The following SLC23A2 variants were observed in gnomAD, a reference collection of about 807,000 sequenced individuals.
SLC23A2 encodes the protein Na(+)/L-ascorbic acid transporter 2.
SLC23A2 carries 36 observed loss-of-function variants against 73.3 expected under a neutral mutation model. The ratio of observed to expected loss-of-function variants is 0.49; its 90% CI spans 0.38 to 0.65. SLC23A2 has a LOEUF of 0.65. Ranked by LOEUF, SLC23A2 falls within the 30% of genes least tolerant of loss-of-function variation. SLC23A2 has a pLI of 0.00. For synonymous variants in SLC23A2, 343 were observed against 327.3 expected (o/e 1.05, Z -0.52); for missense variants, 507 against 841.6 (o/e 0.60, Z 4.92).
chr20:4,927,635 T>C (rs1011852802), intron 3 of SLC23A2, among the ~76,000 whole-genome samples: 2 of 152,212 alleles, frequency 1.3e-5, no homozygotes, highest in African/African-American at 4.8e-5. Context: ...TCCAAACTTA[T>C]GGTTTTCCCT....
At chr20:4,866,626 G>T (rs1568601966) in intron 13 of SLC23A2, among the ~76,000 whole-genome samples, 1 of 152,216 alleles carries the variant, frequency 6.6e-6, no homozygotes, top group African/African-American at 2.4e-5. Context: ...CTCTGGCAGG[G>T]CCCTGCCAAC....
rs112673280 is a variant in SLC23A2 at position 4,971,561 on chromosome 20, C to T, written c.-281-642G>A. Among the ~76,000 whole-genome samples the T allele has an allele frequency of 4.8e-3, 712 of 148,986 alleles. 4 individuals carry two copies. Among genetic ancestry groups the T allele is most frequent in the Non-Finnish European group, 7.2e-3 (484 of 67,576 alleles). ...TGTAGGGAGGCTGGGATGGGAGGATCACTTGAGGCCAGGAGTTCAAGACCA... is the reference window on the plus strand; with the variant it reads ...TGTAGGGAGGCTGGGATGGGAGGATTACTTGAGGCCAGGAGTTCAAGACCA... On this transcript the variant is annotated intron_variant, in intron 1 of 16. Transcript: ENST00000338244.
At chr20:4,897,106 C>G (rs142883320) in intron 6 of SLC23A2, among the ~76,000 whole-genome samples, 156 of 152,314 alleles carry the variant, frequency 1.0e-3, no homozygotes, top group African/African-American at 3.4e-3. Context: ...CATTGCGCCC[C>G]ACAATGGCCA....
At chr20:4,913,072 C>T (rs1932214662) in intron 3 of SLC23A2, 94 bp from the exon 4 acceptor site, 1 of 813,462 alleles carries the variant, frequency 1.2e-6, no homozygotes, top group Admixed American at 1.8e-5. Flanking sequence ...AGTGCATGAC[C>T]AGGCATGGTT....
At chr20:5,006,547 TTTTATTTATTTATTTA>T (rs78731557) in intron 1 of SLC23A2, among the ~76,000 whole-genome samples, 6,236 of 147,594 alleles carry the variant, frequency 0.042, 181 homozygotes, top group Middle Eastern at 0.1. Context: ...GTAAAAGCCA[TTTTATTTATTTATTTA>T]TTTATTTATT....
At chr20:4,896,773 G>C (rs535172403) in intron 6 of SLC23A2, among the ~76,000 whole-genome samples, 1 of 152,166 alleles carries the variant, frequency 6.6e-6, no homozygotes, top group African/African-American at 2.4e-5. Flanking sequence ...ACCAAGTAAC[G>C]TCCTTCAAGG....
chr20:4,963,588 C>T (rs6107560), intron 2 of SLC23A2, among the ~76,000 whole-genome samples: 1 of 152,086 alleles, frequency 6.6e-6, no homozygotes, highest in Non-Finnish European at 1.5e-5. Context: ...TGGCTCACGC[C>T]TATAATTCCA....
intron 6 of SLC23A2, among the ~76,000 whole-genome samples, chr20:4,898,605 G>C (rs1931635682): frequency 6.6e-6 from 1 of 152,186 alleles, no homozygotes; most frequent in Non-Finnish European, 1.5e-5. Context: ...TAAAGCAAGA[G>C]GCTGCACTGC....
intron 2 of SLC23A2, among the ~76,000 whole-genome samples, chr20:4,934,288 G>C (rs569890440): frequency 6.6e-6 from 1 of 152,286 alleles, no homozygotes; most frequent in Non-Finnish European, 1.5e-5. Flanking sequence ...AACTCGGGGA[G>C]AGCTATTAAC....
chr20:4,931,826 C>T (rs1323491063), intron 3 of SLC23A2, among the ~76,000 whole-genome samples: 1 of 152,198 alleles, frequency 6.6e-6, no homozygotes, highest in Admixed American at 6.5e-5. Flanking sequence ...CCATTAACCA[C>T]ATCTCCAGTA....
At chr20:4,907,741 A>G (rs1242490236) in intron 4 of SLC23A2, among the ~76,000 whole-genome samples, 1 of 152,144 alleles carries the variant, frequency 6.6e-6, no homozygotes, top group Non-Finnish European at 1.5e-5. Context: ...AAATTAACCA[A>G]AGAAATAAGA....
chr20:4,953,166 C>T (rs918767090), intron 2 of SLC23A2, among the ~76,000 whole-genome samples: 2 of 151,894 alleles, frequency 1.3e-5, no homozygotes, highest in South Asian at 2.1e-4. Context: ...ATTAGCTAGG[C>T]GTGGTGATGC....
At position 4,852,765 on chromosome 20, in the gene SLC23A2, G is replaced by A. The variant is rs1929573539; in HGVS notation, c.*4207C>T. 1.3e-5 allele frequency: 2 copies of A among 152,468 alleles called. No individual in the cohort carries two copies. Among genetic ancestry groups the A allele is most frequent in the Admixed American group, 1.3e-4 (2 of 15,288 alleles). The allele number at this position is 152,468 out of a possible 1,614,324, so 9.4% of individuals were successfully genotyped here. Reference sequence around the variant, plus strand: ...AAAAGGAGAGTCATTTGAACTGTCAGTAAGATGGCAACGTGGGGAAGGGTG... The same window carrying A: ...AAAAGGAGAGTCATTTGAACTGTCAATAAGATGGCAACGTGGGGAAGGGTG... On this transcript the variant is annotated 3_prime_UTR_variant, in exon 17 of 17. Coordinates refer to ENST00000338244, the MANE Select transcript of SLC23A2 (RefSeq NM_005116.6). This position sits in a 1 kb window ranked among gnomAD's most constrained non-coding sequence, Gnocchi z 4.3.
At position 4,874,197 on chromosome 20, in the gene SLC23A2, A is replaced by G. The variant is rs1930566511; in HGVS notation, c.946-105T>C. On this transcript the variant is annotated intron_variant, in intron 10 of 16. Transcript: ENST00000338244. ...AATATCACACCCCAGAGCCCACCAC[A>G]GTCAGTACTTTGCAGACCTTCCTTG... 6.5e-6 allele frequency: 7 copies of G among 1,072,240 alleles called. No individual in the cohort carries two copies. In the South Asian group the frequency reaches 1.1e-4, roughly 17 times the overall value. The allele number at this position is 1,072,240 out of a possible 1,614,324, so 66.4% of individuals were successfully genotyped here. A position where few individuals can be genotyped will look rare whatever the true frequency, so the allele number is the denominator to read the frequency against.
chr20:4,960,792 T>C (rs968537017), intron 2 of SLC23A2, among the ~76,000 whole-genome samples: 2 of 152,322 alleles, frequency 1.3e-5, no homozygotes, highest in East Asian at 3.9e-4. Context: ...AATGTTTCAA[T>C]TTCCTTAAAA....
intron 2 of SLC23A2, among the ~76,000 whole-genome samples, chr20:4,950,206 TAAG>T (rs2087178515): frequency 6.6e-6 from 1 of 152,202 alleles, no homozygotes; most frequent in African/African-American, 2.4e-5. Flanking sequence ...AAACCTGCAC[TAAG>T]AAGGAAAATT....
chr20:4,885,892 G>GC lies in SLC23A2; in HGVS notation c.499dup (p.Ala167GlyfsTer18). On this transcript the variant is annotated frameshift_variant, in exon 7 of 17. Coordinates refer to ENST00000338244, the MANE Select transcript of SLC23A2 (RefSeq NM_005116.6). LOFTEE classifies it high-confidence loss of function. ...AGGGGCCAAAAATGCAAAAGCACTG[G>GC]CCTGAAACAGGGGTAACCTAAAAGA... 1 of 1,613,242 alleles carries GC rather than the reference G, an allele frequency of 6.2e-7. No homozygotes were observed. Among genetic ancestry groups the GC allele is most frequent in the Non-Finnish European group, 8.5e-7 (1 of 1,179,356 alleles).
chr20:4,966,306 T>C (rs2087473791), intron 2 of SLC23A2, among the ~76,000 whole-genome samples: 2 of 152,110 alleles, frequency 1.3e-5, no homozygotes. Context: ...GTCCCTGAAA[T>C]AGAAGGGGCT....
chr20:4,934,357 C>T (rs1285773748), intron 2 of SLC23A2, among the ~76,000 whole-genome samples: 1 of 151,954 alleles, frequency 6.6e-6, no homozygotes, highest in Non-Finnish European at 1.5e-5. Context: ...AGGACAGATC[C>T]CACACCAAGA....
Sources: allele counts gnomAD v4.1 joint callset (sites outside exome capture counted in the v4.1 genomes callset), GRCh38; gene constraint gnomAD v4.1.1; non-coding constraint Gnocchi (gnomAD v3.1); transcripts MANE v1.5; gene names NCBI Gene and HGNC (gene_info 2026-07-23, HGNC 2026-07-21).